The following PDZD2 variants were observed in gnomAD, a reference collection of about 807,000 sequenced individuals.
PDZD2 encodes the protein PDZ domain-containing protein 2.
Under a neutral mutation model 220.7 loss-of-function variants are expected in PDZD2, and 90 were observed. The observed-to-expected ratio is 0.41, with a 90% CI of 0.34 to 0.49. PDZD2 has a LOEUF of 0.49. Among genes scored for constraint, PDZD2 ranks in the 20% least tolerant of loss-of-function variants. The pLI, the probability that PDZD2 is intolerant of heterozygous loss-of-function variation, is 0.28. For synonymous variants in PDZD2, 1,375 were observed against 1,450.5 expected (o/e 0.95, Z 1.18); for missense variants, 3,174 against 3,608.5 (o/e 0.88, Z 3.08).
At chr5:31,640,625 G>A (rs996044611) in intron 1 of PDZD2, among the ~76,000 whole-genome samples, 2 of 152,146 alleles carry the variant, frequency 1.3e-5, no homozygotes, top group Non-Finnish European at 2.9e-5. Context: ...TTAGGGGCCT[G>A]GCATCTCTAC....
chr5:32,085,466 A>G (rs1334945206), intron 19 of PDZD2, among the ~76,000 whole-genome samples: 1 of 144,464 alleles, frequency 6.9e-6, no homozygotes, highest in Non-Finnish European at 1.5e-5. Context: ...TTTTTTTTTG[A>G]GACGGAGTCT....
At chr5:31,767,965 C>T (rs1027084998) in intron 1 of PDZD2, among the ~76,000 whole-genome samples, 10 of 152,238 alleles carry the variant, frequency 6.6e-5, no homozygotes, top group South Asian at 2.1e-4. Flanking sequence ...ACAACCAGAT[C>T]ATTCCTTTGG....
intron 2 of PDZD2, among the ~76,000 whole-genome samples, chr5:31,857,268 G>A (rs528430980): frequency 2.0e-5 from 3 of 152,266 alleles, no homozygotes; most frequent in South Asian, 4.1e-4. Context: ...GTCCTCCTCC[G>A]CTTGCCGCTC....
At chr5:31,990,865 T>C (rs2111933236) in intron 3 of PDZD2, among the ~76,000 whole-genome samples, 1 of 152,198 alleles carries the variant, frequency 6.6e-6, no homozygotes, top group East Asian at 1.9e-4. Flanking sequence ...GGCCGGGCAG[T>C]GTCATGGGCA....
intron 6 of PDZD2, among the ~76,000 whole-genome samples, chr5:32,020,737 C>T (rs1437752597): frequency 6.6e-5 from 10 of 151,810 alleles, no homozygotes; most frequent in Non-Finnish European, 1.5e-4. Flanking sequence ...CTCTGCCTCC[C>T]AGGTTCAAGC....
At chr5:31,649,795 A>C (rs756683086) in intron 1 of PDZD2, among the ~76,000 whole-genome samples, 9 of 151,892 alleles carry the variant, frequency 5.9e-5, no homozygotes, top group Non-Finnish European at 1.3e-4. Context: ...AAAATTAGCC[A>C]GGCATGGTGG....
At position 31,983,194 on chromosome 5, in the gene PDZD2, C is replaced by T. The variant is rs772852728; in HGVS notation, c.516C>T (p.Tyr172=). The T allele has an allele frequency of 1.2e-5, 20 of 1,614,002 alleles. No homozygotes were observed. Among genetic ancestry groups the T allele is most frequent in the Non-Finnish European group, 1.7e-5 (20 of 1,180,000 alleles). The change falls in exon 3 of 25, where the codon TAC becomes TAT. Residue 172 remains tyrosine, a synonymous_variant. Coordinates refer to ENST00000438447, the MANE Select transcript of PDZD2 (RefSeq NM_178140.4). ...AGTGCTGGAATGGCGGCTTTATCTA[C>T]CTGATCATGCTGCGTCGCTTTAAGC... is the stretch of plus-strand genomic sequence containing the variant. The part of the protein sequence containing the change: ...AEQCWNGGFI[Y]LIMLRRFKHK...
chr5:31,815,205 A>G (rs920632017), intron 2 of PDZD2, among the ~76,000 whole-genome samples: 1 of 143,590 alleles, frequency 7.0e-6, no homozygotes, highest in Admixed American at 7.5e-5. Flanking sequence ...AGATCGCGCC[A>G]CTGCACTCCA....
chr5:32,048,765 A>G (rs1388122659), intron 8 of PDZD2, 81 bp downstream of exon 8: 1 of 1,410,494 alleles, frequency 7.1e-7, no homozygotes, highest in Non-Finnish European at 9.9e-7. Context: ...ACAGGCCAGG[A>G]GTGTCTGGGG....
At chr5:32,017,439 C>CAA (rs11289719) in intron 6 of PDZD2, among the ~76,000 whole-genome samples, 11 of 126,984 alleles carry the variant, frequency 8.7e-5, no homozygotes, top group African/African-American at 2.0e-4. Context: ...GACCCTGTCT[C>CAA]AAAAAAAAAA....
intron 2 of PDZD2, among the ~76,000 whole-genome samples, chr5:31,886,846 T>A (rs35610773): frequency 2.0e-5 from 3 of 151,930 alleles, no homozygotes; most frequent in Non-Finnish European, 4.4e-5. Context: ...TACAGGCGCC[T>A]GCCACCACAC....
intron 1 of PDZD2, among the ~76,000 whole-genome samples, chr5:31,660,522 CT>C (rs1340697184): frequency 6.6e-6 from 1 of 152,138 alleles, no homozygotes; most frequent in East Asian, 1.9e-4. Context: ...CAAACATGTC[CT>C]TCTTCACAAG....
chr5:31,910,150 A>G (rs1561050492), intron 2 of PDZD2, among the ~76,000 whole-genome samples: 1 of 151,966 alleles, frequency 6.6e-6, no homozygotes, highest in East Asian at 1.9e-4. Flanking sequence ...TATGCGCTCA[A>G]AGTCACATAG....
At chr5:31,735,938 C>T (rs747458461) in intron 1 of PDZD2, among the ~76,000 whole-genome samples, 1 of 152,120 alleles carries the variant, frequency 6.6e-6, no homozygotes, top group African/African-American at 2.4e-5. Context: ...GAGTGAGAAT[C>T]TGTCTTAAAA....
chr5:32,043,609 TA>T (rs1408040864), intron 7 of PDZD2, among the ~76,000 whole-genome samples: 1 of 152,270 alleles, frequency 6.6e-6, no homozygotes, highest in Non-Finnish European at 1.5e-5. Context: ...CTGCCACTGT[TA>T]TTACCACTGT....
chr5:31,726,253 G>A (rs1380750804), intron 1 of PDZD2, among the ~76,000 whole-genome samples: 1 of 152,220 alleles, frequency 6.6e-6, no homozygotes, highest in African/African-American at 2.4e-5. Context: ...CATGGGCCGG[G>A]CGCGGTGGCT....
chr5:31,812,165 T>G (rs1409484840), intron 2 of PDZD2, among the ~76,000 whole-genome samples: 2 of 152,124 alleles, frequency 1.3e-5, no homozygotes, highest in Admixed American at 6.6e-5. Context: ...ACCAGTGTAA[T>G]GGGCAGAAAG....
rs1742897767 is a variant in PDZD2, at chr5:32,089,748, G to A, written c.6300G>A (p.Val2100=). The change falls in exon 20 of 25, where the codon GTG becomes GTA. Residue 2100 remains valine (V), a synonymous_variant. Transcript: ENST00000438447. Reference sequence around the variant, plus strand: ...TCGTGGAGATTTCTGCTGAAGCAGTGTCAGAGACTGTATGTGGTAACAAGC... The same window carrying A: ...TCGTGGAGATTTCTGCTGAAGCAGTATCAGAGACTGTATGTGGTAACAAGC... The part of the protein sequence containing the change: ...LKIVEISAEA[V]SETVCGNKPA... 1.2e-6 allele frequency: 2 copies of A among 1,614,190 alleles called. No individual in the cohort carries two copies. The highest frequency in any genetic ancestry group is 1.7e-6 in the Non-Finnish European group (2 of 1,180,024).
rs752232890 is a variant in PDZD2, at chr5:31,983,233, C to T, written c.555C>T (p.Ser185=). 2.5e-6 allele frequency: 4 copies of T among 1,614,190 alleles called. No homozygotes were observed. In the South Asian group the frequency reaches 3.3e-5, roughly 13 times the overall value. ...GTCGCTTTAAGCACAAAGCCCACTC[C>T]ACTTATAATGGCAACAGTAGCAACA... is the stretch of plus-strand genomic sequence containing the variant. ...MLRRFKHKAH[S]TYNGNSSNSS... The change falls in exon 3 of 25, where the codon TCC becomes TCT. Residue 185 remains serine, a synonymous_variant. Coordinates refer to ENST00000438447, the MANE Select transcript of PDZD2 (RefSeq NM_178140.4).
Sources: gnomAD v4.1 joint callset for allele counts (sites outside exome capture counted in the v4.1 genomes callset) on GRCh38, gnomAD v4.1.1 for gene constraint, MANE v1.5 for transcripts, NCBI Gene and HGNC (gene_info 2026-07-23, HGNC 2026-07-21) for gene names.